Variants in RELN observed in about 807,000 individuals in gnomAD.
RELN encodes reelin.
A neutral mutation model predicts 427.6 loss-of-function variants in RELN; 108 were observed. That is an observed-to-expected ratio of 0.25 (90% confidence interval 0.22 to 0.30). RELN has a LOEUF of 0.30. Ranked by LOEUF, RELN falls within the 10% of genes least tolerant of loss-of-function variation. The probability of loss-of-function intolerance (pLI) is 1.00; values close to 1 mark genes in which losing one functional copy is unlikely to be tolerated. For synonymous variants in RELN, 1,524 were observed against 1,513.4 expected (o/e 1.01, Z -0.16); for missense variants, 3,715 against 4,302.8 (o/e 0.86, Z 3.82).
chr7:103,936,393 T>C (rs1795985710), intron 1 of RELN, among the ~76,000 whole-genome samples: 1 of 152,116 alleles, frequency 6.6e-6, no homozygotes, highest in African/African-American at 2.4e-5. Flanking sequence ...GCACCTCGCC[T>C]GGCTTCTAAC....
At chr7:103,565,142 C>CTTTTTT in intron 34 of RELN, 136 bp downstream of exon 34, 1 of 1,187,830 alleles carries the variant, frequency 8.4e-7, no homozygotes, top group Admixed American at 1.8e-5. Context: ...GCACCTTGCA[C>CTTTTTT]TTTTTTTTCT....
intron 12 of RELN, among the ~76,000 whole-genome samples, chr7:103,656,869 TAAC>T (rs1833033738): frequency 6.6e-6 from 1 of 152,050 alleles, no homozygotes; most frequent in East Asian, 1.9e-4. Context: ...TTTCGTCCCT[TAAC>T]AACATTTTCA....
At position 103,515,250 on chromosome 7, in the gene RELN, G is replaced by A; in HGVS notation, c.8054C>T (p.Ser2685Phe). 3 of 1,614,202 alleles carry A rather than the reference G, an allele frequency of 1.9e-6. No individual in the cohort carries two copies. Among genetic ancestry groups the A allele is most frequent in the Non-Finnish European group, 2.5e-6 (3 of 1,180,038 alleles). The change falls in exon 50 of 65, where the codon TCC becomes TTC. Residue 2685 changes from serine to phenylalanine, a missense_variant. By Grantham distance (155) the Ser-to-Phe change is radical. Coordinates refer to ENST00000428762, the MANE Select transcript of RELN (RefSeq NM_005045.4). ...CCCGACAGGGCCGGCATCTGCAGGG[G>A]AGCGCTCATGCTGGGGTACTGGGGC... ...SSAPVPQHER[S>F]PADAGPVGRI...
At chr7:103,512,591 A>C (rs1385583651) in intron 50 of RELN, among the ~76,000 whole-genome samples, 1 of 152,214 alleles carries the variant, frequency 6.6e-6, no homozygotes, top group African/African-American at 2.4e-5. Flanking sequence ...TGCAGAGTAC[A>C]TCTTGTGTGT....
At chr7:103,814,891 T>C (rs886803811) in intron 3 of RELN, among the ~76,000 whole-genome samples, 22 of 152,182 alleles carry the variant, frequency 1.4e-4, no homozygotes, top group African/African-American at 5.3e-4. Context: ...TGTCAATACA[T>C]CTATTTAGCA....
At chr7:103,705,330 A>G in intron 8 of RELN, among the ~76,000 whole-genome samples, 1 of 152,058 alleles carries the variant, frequency 6.6e-6, no homozygotes, top group East Asian at 1.9e-4. Context: ...TTCGAATGAC[A>G]CCACCCCAAA....
chr7:103,495,452 GGTT>G (rs1828811048), intron 57 of RELN, among the ~76,000 whole-genome samples: 1 of 98,122 alleles, frequency 1.0e-5, no homozygotes, highest in African/African-American at 3.9e-5. Flanking sequence ...TTATAGGCAT[GGTT>G]CCACTGCACC....
At chr7:103,580,561 T>C (rs1267376569) in intron 28 of RELN, among the ~76,000 whole-genome samples, 1 of 152,226 alleles carries the variant, frequency 6.6e-6, no homozygotes, top group Non-Finnish European at 1.5e-5. Flanking sequence ...TTCAGGTGTG[T>C]ATATATTTAA....
chr7:103,714,198 C>T (rs937085759), intron 8 of RELN, among the ~76,000 whole-genome samples: 1 of 152,174 alleles, frequency 6.6e-6, no homozygotes, highest in African/African-American at 2.4e-5. Context: ...TATTTAATAA[C>T]ATGACTACCT....
rs189501662 is a variant in RELN, at chr7:103,796,792, C to T, written c.474-20165G>A. ...AGAAGAATCGCTTGAACCTGGGAGG[C>T]GGAGGTTGCAGTGAGCCAAGATTGC... On this transcript the variant is annotated intron_variant, in intron 3 of 64. Coordinates refer to ENST00000428762, the MANE Select transcript of RELN (RefSeq NM_005045.4). Among the ~76,000 whole-genome samples, 84 of 140,704 alleles carry T rather than the reference C, an allele frequency of 6.0e-4. No homozygotes were observed. The East Asian group carries it at 0.018, about 30-fold the overall frequency. The allele number at this position is 140,704 out of a possible 152,430, so 92.3% of individuals were successfully genotyped here.
intron 10 of RELN, among the ~76,000 whole-genome samples, chr7:103,684,665 T>A (rs1055187300): frequency 5.3e-5 from 8 of 152,158 alleles, no homozygotes; most frequent in African/African-American, 1.4e-4. Context: ...TAGAAGCCAT[T>A]TAACCCCTCT....
intron 3 of RELN, among the ~76,000 whole-genome samples, chr7:103,831,782 C>G (rs1234526677): frequency 6.6e-6 from 1 of 152,030 alleles, no homozygotes; most frequent in Non-Finnish European, 1.5e-5. Context: ...AGCCTTCAAA[C>G]CTATATCAAA....
chr7:103,911,476 C>T (rs1795364626), intron 2 of RELN, among the ~76,000 whole-genome samples: 1 of 137,616 alleles, frequency 7.3e-6, no homozygotes, highest in African/African-American at 2.8e-5. Flanking sequence ...ACTAGAAATA[C>T]CATTTGACCC....
At chr7:103,852,444 C>T (rs1335977971) in intron 2 of RELN, among the ~76,000 whole-genome samples, 1 of 152,112 alleles carries the variant, frequency 6.6e-6, no homozygotes, top group Non-Finnish European at 1.5e-5. Context: ...ACTCTCCATG[C>T]TTCTCTTTTC....
Position 103,539,213 on chromosome 7 carries a change from A to C in RELN, c.7045T>G (p.Ser2349Ala). ...PGGTKMPVCG[S>A]TGDALVFIEK... is the part of the protein sequence containing the mutation. ...ATGAAGACCAGGGCATCACCAGTAG[A>C]GCCACACACGGGCATCTTGGTGCCT... is the stretch of plus-strand genomic sequence containing the variant. Residue 2349 changes from serine (S) to alanine (A), a missense_variant, in exon 45 of 65, where the codon TCT (serine) becomes GCT (alanine). Physicochemically the swap from Ser to Ala is moderately conservative, Grantham distance 99. Transcript: ENST00000428762. 6.2e-7 allele frequency: 1 copy of C among 1,614,264 alleles called. No homozygotes were observed. The highest frequency in any genetic ancestry group is 1.7e-5 in the Admixed American group (1 of 60,030).
At chr7:103,485,227 GCCAA>G (rs1828388940) in intron 61 of RELN, among the ~76,000 whole-genome samples, 1 of 77,678 alleles carries the variant, frequency 1.3e-5, no homozygotes, top group African/African-American at 5.6e-5. Flanking sequence ...TTTTTGGCAG[GCCAA>G]AAAAAAAAAA....
At chr7:103,868,940 T>A (rs539788077) in intron 2 of RELN, among the ~76,000 whole-genome samples, 14 of 152,266 alleles carry the variant, frequency 9.2e-5, no homozygotes, top group African/African-American at 3.4e-4. Context: ...TTTTTTCTAA[T>A]TAAAATGCAC....
intron 6 of RELN, among the ~76,000 whole-genome samples, chr7:103,747,936 AAAC>A (rs1373911445): frequency 6.6e-6 from 1 of 151,920 alleles, no homozygotes; most frequent in African/African-American, 2.4e-5. Context: ...TTATTGATTT[AAAC>A]AACAACAGAA....
intron 2 of RELN, among the ~76,000 whole-genome samples, chr7:103,898,188 G>C (rs1261637309): frequency 6.6e-6 from 1 of 151,754 alleles, no homozygotes; most frequent in Non-Finnish European, 1.5e-5. Context: ...AGGTGAGTGT[G>C]GATATGGGTG....
Sources: allele counts gnomAD v4.1 joint callset (sites outside exome capture counted in the v4.1 genomes callset), GRCh38; gene constraint gnomAD v4.1.1; transcripts MANE v1.5; gene names NCBI Gene and HGNC (gene_info 2026-07-23, HGNC 2026-07-21).